The following CEACAM20 variants were observed in gnomAD, a reference collection of about 807,000 sequenced individuals.
The protein encoded by CEACAM20 is CEA cell adhesion molecule 20, also known as cell adhesion molecule CEACAM20.
Under a neutral mutation model 61.2 loss-of-function variants are expected in CEACAM20, and 50 were observed. The observed-to-expected ratio is 0.82, with a 90% CI of 0.65 to 1.03. The LOEUF is 1.03. CEACAM20 is among the 50% of genes least tolerant of loss of function. The pLI, the probability that CEACAM20 is intolerant of heterozygous loss-of-function variation, is 0.00. For synonymous variants in CEACAM20, 282 were observed against 287.7 expected, an observed-to-expected ratio of 0.98 and a Z score of 0.20; for missense variants, 683 against 736.4, an observed-to-expected ratio of 0.93 and a Z score of 0.84.
intron 10 of CEACAM20, 99 bp downstream of exon 10, chr19:44,511,538 T>A: frequency 8.2e-7 from 1 of 1,220,716 alleles, no homozygotes; most frequent in Non-Finnish European, 1.2e-6. Flanking sequence ...TGCCATGAAA[T>A]GTTTAGACAA....
intron 1 of CEACAM20, among the ~76,000 whole-genome samples, chr19:44,528,904 T>C (rs1326871335): frequency 1.3e-5 from 2 of 151,530 alleles, no homozygotes; most frequent in Non-Finnish European, 2.9e-5. Context: ...TGTTTATGTC[T>C]CCTTCTATCT....
At chr19:44,512,759 T>C in intron 8 of CEACAM20, 109 bp downstream of exon 8, 2 of 842,374 alleles carry the variant, frequency 2.4e-6, no homozygotes, top group East Asian at 2.6e-5. Flanking sequence ...TGGACAGGGC[T>C]TGCCCTGATC....
chr19:44,510,007 G>A (rs964325027), intron 11 of CEACAM20, among the ~76,000 whole-genome samples: 3 of 152,014 alleles, frequency 2.0e-5, no homozygotes, highest in Non-Finnish European at 4.4e-5. Flanking sequence ...GAATGGAAAC[G>A]AAATAAAGTC....
At chr19:44,520,963 T>G (rs1257386262) in intron 4 of CEACAM20, among the ~76,000 whole-genome samples, 1 of 152,112 alleles carries the variant, frequency 6.6e-6, no homozygotes, top group African/African-American at 2.4e-5. Context: ...ATTATGTGAA[T>G]ATGCAATGAG....
rs926927939 is a variant in CEACAM20 at position 44,510,944 on chromosome 19, A to C, written c.1737+86T>G. On this transcript the variant is annotated intron_variant, in intron 11 of 11. Transcript: ENST00000614924. ...AAAGGGAAATTTTTCTTCATAGTTC[A>C]TCCTACAGACTCTTTAGTAGGGAAG... The C allele has an allele frequency of 1.4e-5, 22 of 1,521,032 alleles. No homozygotes were observed. In the East Asian group the frequency reaches 5.0e-4, roughly 34 times the overall value. The allele number at this position is 1,521,032 out of a possible 1,614,324, so 94.2% of individuals were successfully genotyped here. A position where few individuals can be genotyped will look rare whatever the true frequency, so the allele number is the denominator to read the frequency against.
rs1173856801 is a variant in CEACAM20, at chr19:44,510,532, AAAGGAAGG to A, written c.1737+490_1737+497del. On this transcript the variant is annotated intron_variant, in intron 11 of 11. Coordinates refer to ENST00000614924, the MANE Select transcript of CEACAM20 (RefSeq NM_001102597.3). ...TGTCTCAAAAAAAAAAAGAAAGATG[AAAGGAAGG>A]AAGGAAGGAAAGAAAGAAAGAAAGA... 1.1e-4 allele frequency among the ~76,000 whole-genome samples: 11 copies of A among 103,736 alleles called. No individual in the cohort carries two copies. In the East Asian group the frequency reaches 3.0e-3, roughly 28 times the overall value. The allele number at this position is 103,736 out of a possible 152,430, so 68.1% of individuals were successfully genotyped here. A position where few individuals can be genotyped will look rare whatever the true frequency, so the allele number is the denominator to read the frequency against.
At chr19:44,513,125 C>G (rs752345012) in intron 7 of CEACAM20, 47 bp downstream of exon 7, 14 of 1,488,544 alleles carry the variant, frequency 9.4e-6, no homozygotes, top group Non-Finnish European at 1.3e-5. Flanking sequence ...GCGCCCCCTG[C>G]TGGCCACATC....
chr19:44,510,961 G>C, intron 11 of CEACAM20, 69 bp downstream of exon 11: 1 of 1,595,756 alleles, frequency 6.3e-7, no homozygotes, highest in Non-Finnish European at 8.6e-7. Flanking sequence ...AGACTCTTTA[G>C]TAGGGAAGAA....
At chr19:44,510,612 A>AAAGAAAG (rs1970963901) in intron 11 of CEACAM20, among the ~76,000 whole-genome samples, 1 of 54,930 alleles carries the variant, frequency 1.8e-5, no homozygotes, top group Non-Finnish European at 2.8e-5. Context: ...AAGAAAGAAA[A>AAAGAAAG]AGGAAGGAAG....
chr19:44,524,414 T>C (rs1971466315), intron 2 of CEACAM20, among the ~76,000 whole-genome samples, 153 bp from the exon 3 acceptor site: 1 of 152,152 alleles, frequency 6.6e-6, no homozygotes, highest in Non-Finnish European at 1.5e-5. Context: ...CTGGATCTAC[T>C]GCTCATTCTT....
rs551563404 is a variant in CEACAM20, at chr19:44,526,364, G to C, written c.53-1120C>G. Among the ~76,000 whole-genome samples, 7 of 152,116 alleles carry C rather than the reference G, an allele frequency of 4.6e-5. No individual in the cohort carries two copies. In the South Asian group the frequency reaches 1.0e-3, roughly 23 times the overall value. ...TCTCTACCAAAAATTTTTAAAATTA[G>C]CTGGGGGTGTTGGCCCGCATCTGTA... On this transcript the variant is annotated intron_variant, in intron 1 of 11. Transcript: ENST00000614924.
At chr19:44,517,273 A>T (rs1971194113) in intron 5 of CEACAM20, 49 bp from the exon 6 acceptor site, 1 of 1,584,662 alleles carries the variant, frequency 6.3e-7, no homozygotes, top group South Asian at 1.1e-5. Context: ...TCAGCGAGTC[A>T]TCCCATTCTG....
Position 44,520,516 on chromosome 19 carries a change from C to A in CEACAM20, c.988G>T (p.Gly330Cys). The A allele has an allele frequency of 1.2e-6, 2 of 1,613,660 alleles. No individual in the cohort carries two copies. The highest frequency in any genetic ancestry group is 2.2e-5 in the East Asian group (1 of 44,896). Residue 330 changes from glycine (G) to cysteine (C), a missense_variant, in exon 5 of 12, where the codon GGC becomes TGC. Physicochemically the swap from Gly to Cys is radical, Grantham distance 159. Transcript: ENST00000614924. ...GPYACEVWNWGSRARSEPLEL... is the reference protein window; with the variant it reads ...GPYACEVWNWCSRARSEPLEL... The stretch of plus-strand genomic sequence containing the variant: ...AGGGGCTCACTCCGGGCCCGGCTGC[C>A]CCAGTTCCAGACCTCACAGGCATAG...
chr19:44,525,045 G>A (rs1971485071), intron 2 of CEACAM20, 56 bp downstream of exon 2: 2 of 1,592,040 alleles, frequency 1.3e-6, no homozygotes, highest in Non-Finnish European at 1.7e-6. Flanking sequence ...AGGTTCGGAT[G>A]AGGGATCTCC....
rs757552125 is a variant in CEACAM20, at chr19:44,511,072, T to C, written c.1695A>G (p.Arg565=). 1 of 1,613,936 alleles carries C rather than the reference T, an allele frequency of 6.2e-7. No homozygotes were observed. Among genetic ancestry groups the C allele is most frequent in the Non-Finnish European group, 8.5e-7 (1 of 1,179,866 alleles). ...PPPKPLMPPL[R]LVSTVPKNME... ...TGTTTTTTGGCACAGTGGAGACCAATCTGAGTGGGGGCATCAGAGGTTTGG... is the reference window on the plus strand; with the variant it reads ...TGTTTTTTGGCACAGTGGAGACCAACCTGAGTGGGGGCATCAGAGGTTTGG... Residue 565 remains arginine, a synonymous_variant, in exon 11 of 12, where the codon AGA becomes AGG. Coordinates refer to ENST00000614924, the MANE Select transcript of CEACAM20 (RefSeq NM_001102597.3).
rs762574240 is a variant in CEACAM20 at position 44,512,877 on chromosome 19, G to A, written c.1504C>T (p.Pro502Ser). The A allele has an allele frequency of 2.5e-6, 4 of 1,613,418 alleles. No homozygotes were observed. In the South Asian group the frequency reaches 4.4e-5, roughly 18 times the overall value. ...CCATAGAGTCACTTACCGGAACTGG[G>A]CTCTGTGGGGTGCTCCTCCTTCGGG... ...PIPKEEHPTE[P>S]SSESLSPEYR... Residue 502 changes from proline to serine, a missense_variant, in exon 8 of 12, where the codon CCC becomes TCC. Coordinates refer to ENST00000614924, the MANE Select transcript of CEACAM20 (RefSeq NM_001102597.3).
chr19:44,510,133 G>T, intron 11 of CEACAM20, among the ~76,000 whole-genome samples: 1 of 151,500 alleles, frequency 6.6e-6, no homozygotes, highest in Non-Finnish European at 1.5e-5. Context: ...TAGAAAGAAA[G>T]GAAAAGAATG....
chr19:44,514,602 C>G (rs186180417), intron 6 of CEACAM20, among the ~76,000 whole-genome samples: 14 of 152,102 alleles, frequency 9.2e-5, no homozygotes, highest in Non-Finnish European at 1.8e-4. Flanking sequence ...GTGTGCACTG[C>G]CATGCCTGGC....
intron 1 of CEACAM20, among the ~76,000 whole-genome samples, chr19:44,526,428 C>G (rs1346732855): frequency 6.6e-6 from 1 of 151,890 alleles, no homozygotes; most frequent in African/African-American, 2.4e-5. Context: ...TCACTTGAGC[C>G]TGGGAGTTTG....
Sources: allele counts gnomAD v4.1 joint callset (sites outside exome capture counted in the v4.1 genomes callset), GRCh38; gene constraint gnomAD v4.1.1; transcripts MANE v1.5; gene names NCBI Gene and HGNC (gene_info 2026-07-23, HGNC 2026-07-21).